LIMK2: variants seen among roughly 807,000 people sequenced by gnomAD.
The protein encoded by LIMK2 is LIM domain kinase 2.
Under a neutral mutation model 75.7 loss-of-function variants are expected in LIMK2, and 35 were observed. The ratio of observed to expected loss-of-function variants is 0.46; its 90% CI spans 0.35 to 0.61. The LOEUF (loss-of-function observed/expected upper bound fraction) is 0.61. Among genes scored for constraint, LIMK2 ranks in the 20% least tolerant of loss-of-function variants. LIMK2 has a pLI of 0.00. For synonymous variants in LIMK2, 301 were observed against 319.2 expected, an observed-to-expected ratio of 0.94 and a Z score of 0.61; for missense variants, 623 against 831.0, an observed-to-expected ratio of 0.75 and a Z score of 3.08.
intron 9 of LIMK2, 143 bp downstream of exon 9, chr22:31,267,213 C>G: frequency 1.7e-6 from 1 of 577,872 alleles, no homozygotes; most frequent in South Asian, 1.9e-5. Flanking sequence ...GAATATCCCA[C>G]TCCCTCTAAA....
chr22:31,245,097 G>A (rs1052859718), intron 2 of LIMK2, among the ~76,000 whole-genome samples: 1 of 152,216 alleles, frequency 6.6e-6, no homozygotes, highest in Non-Finnish European at 1.5e-5. Flanking sequence ...CCTGTTCAGT[G>A]CTTCCTTCTT....
chr22:31,255,978 C>CTTTTTTTTTTTTTTTTTTTTTT lies in LIMK2; in HGVS notation c.117-2296_117-2275dup, dbSNP rs567250437. Among the ~76,000 whole-genome samples the CTTTTTTTTTTTTTTTTTTTTTT allele has an allele frequency of 1.3e-4, 4 of 29,638 alleles. 2 individuals carry two copies. Among genetic ancestry groups the CTTTTTTTTTTTTTTTTTTTTTT allele is most frequent in the Non-Finnish European group, 2.7e-4 (4 of 14,964 alleles). 19.4% of individuals were successfully genotyped at this position (29,638 alleles called of 152,430 possible). ...ATACTGAGTTTCTACTATATTGGGTCTTTTTTTTTTTTTTTTTTTTTTTTT... is the reference window on the plus strand; with the variant it reads ...ATACTGAGTTTCTACTATATTGGGTCTTTTTTTTTTTTTTTTTTTTTTTTTTTTTTTTTTTTTTTTTTTTTTT... On this transcript the variant is annotated intron_variant, in intron 2 of 15. Coordinates refer to ENST00000331728, the MANE Select transcript of LIMK2 (RefSeq NM_005569.4).
intron 9 of LIMK2, among the ~76,000 whole-genome samples, chr22:31,267,394 C>T (rs1006141445): frequency 9.9e-5 from 15 of 152,190 alleles, no homozygotes; most frequent in Admixed American, 7.2e-4. Context: ...CTCACCTGAA[C>T]GCCCTGCTAA....
intron 7 of LIMK2, among the ~76,000 whole-genome samples, chr22:31,264,126 C>T (rs2048868079): frequency 6.6e-6 from 1 of 152,110 alleles, no homozygotes; most frequent in Admixed American, 6.5e-5. Context: ...TGCCTCTTGG[C>T]CTTGGTCAGT....
rs772300294 is a variant in LIMK2 at position 31,272,657 on chromosome 22, A to G, written c.1511A>G (p.Tyr504Cys). 6.2e-7 allele frequency: 1 copy of G among 1,613,496 alleles called. No individual in the cohort carries two copies. Among genetic ancestry groups the G allele is most frequent in the Non-Finnish European group, 8.5e-7 (1 of 1,179,838 alleles). The part of the protein sequence containing the change: ...TLRKNDRKKR[Y>C]TVVGNPYWMA... Reference sequence around the variant, plus strand: ...CGCAAGAACGACCGCAAGAAGCGCTACACGGTGGTGGGAAACCCCTACTGG... The same window carrying G: ...CGCAAGAACGACCGCAAGAAGCGCTGCACGGTGGTGGGAAACCCCTACTGG... Residue 504 changes from tyrosine (Y) to cysteine (C), a missense_variant, in exon 13 of 16, where the codon TAC becomes TGC. By Grantham distance (194) the Tyr-to-Cys change is radical (BLOSUM62 -2). Around this residue, in one of 3 missense-constraint regions of LIMK2, gnomAD observed 514 missense variants for 661.3 expected, o/e 0.78. Transcript: ENST00000331728.
chr22:31,230,960 C>G (rs147215631), intron 2 of LIMK2, among the ~76,000 whole-genome samples: 1 of 152,326 alleles, frequency 6.6e-6, no homozygotes, highest in East Asian at 1.9e-4. Flanking sequence ...ATGCATAGCA[C>G]ATTTAATCCT....
chr22:31,224,398 C>G (rs982661728), intron 1 of LIMK2, among the ~76,000 whole-genome samples: 1 of 152,130 alleles, frequency 6.6e-6, no homozygotes, highest in Non-Finnish European at 1.5e-5. Flanking sequence ...TTCCTGGTTC[C>G]CCTCATTGGA....
chr22:31,234,719 CAAAAAAAA>C (rs35909225), intron 2 of LIMK2, among the ~76,000 whole-genome samples: 4 of 68,460 alleles, frequency 5.8e-5, no homozygotes, highest in Non-Finnish European at 9.4e-5. Context: ...GACTCCATCT[CAAAAAAAA>C]AAAAAAAAAA....
chr22:31,254,959 C>CAA (rs199942897), intron 2 of LIMK2, among the ~76,000 whole-genome samples: 7 of 140,640 alleles, frequency 5.0e-5, no homozygotes, highest in East Asian at 4.0e-4. Context: ...AATTCCATCT[C>CAA]AAAAAAAAAA....
chr22:31,218,507 G>T (rs141084678), intron 1 of LIMK2, among the ~76,000 whole-genome samples: 1 of 152,154 alleles, frequency 6.6e-6, no homozygotes, highest in Non-Finnish European at 1.5e-5. Flanking sequence ...AGAGAAGCTC[G>T]AAAGCTCTTT....
At chr22:31,221,779 G>A (rs562574443) in intron 1 of LIMK2, among the ~76,000 whole-genome samples, 11 of 152,110 alleles carry the variant, frequency 7.2e-5, no homozygotes, top group East Asian at 1.9e-4. Context: ...CACTGCGCCC[G>A]GCCCTCAATA....
Position 31,278,489 on chromosome 22 carries a change from CCT to C in LIMK2, c.*51_*52del, listed in dbSNP as rs748428388. 5 of 1,536,620 alleles carry C rather than the reference CCT, an allele frequency of 3.3e-6. No homozygotes were observed. In the East Asian group the frequency reaches 1.2e-4, roughly 35 times the overall value. ...GGGGTGTTCTACAGCCAGCATTGCCCCTCTGTGCCCCATTCCTGCTGTGAGCA... is the reference window on the plus strand; with the variant it reads ...GGGGTGTTCTACAGCCAGCATTGCCCCTGTGCCCCATTCCTGCTGTGAGCA... On this transcript the variant is annotated 3_prime_UTR_variant, in exon 16 of 16. Transcript: ENST00000331728.
In LIMK2 at chr22:31,255,514, G is replaced by C. The variant is rs1601427120; in HGVS notation, c.117-2777G>C. 2.0e-5 allele frequency among the ~76,000 whole-genome samples: 3 copies of C among 152,124 alleles called. No homozygotes were observed. The South Asian group carries it at 6.2e-4, about 32-fold the overall frequency. ...AATTGGGCACTCCAGAAAGATAAAGGGATTCTCAGGGACTTGCTTCTCTAG... is the reference window on the plus strand; with the variant it reads ...AATTGGGCACTCCAGAAAGATAAAGCGATTCTCAGGGACTTGCTTCTCTAG... On this transcript the variant is annotated intron_variant, in intron 2 of 15. Coordinates refer to ENST00000331728, the MANE Select transcript of LIMK2 (RefSeq NM_005569.4).
At chr22:31,274,165 C>G (rs1569003848) in intron 14 of LIMK2, among the ~76,000 whole-genome samples, 2 of 151,986 alleles carry the variant, frequency 1.3e-5, no homozygotes, top group African/African-American at 4.8e-5. Flanking sequence ...TAGCCCTTCT[C>G]AGTTCCCTTC....
chr22:31,279,515 T>G lies in LIMK2; in HGVS notation c.*1074T>G, dbSNP rs148798183. 10 of 152,332 alleles carry G rather than the reference T, an allele frequency of 6.6e-5. No individual in the cohort carries two copies. The highest frequency in any genetic ancestry group is 1.3e-4 in the Admixed American group (2 of 15,294). The allele number at this position is 152,332 out of a possible 1,614,324, so 9.4% of individuals were successfully genotyped here. Reference sequence around the variant, plus strand: ...AAGCTGAGATGCTGAGAGAGATAGCTCCCTGAGCTGGGCCATCTGACTTCT... The same window carrying G: ...AAGCTGAGATGCTGAGAGAGATAGCGCCCTGAGCTGGGCCATCTGACTTCT... On this transcript the variant is annotated 3_prime_UTR_variant, in exon 16 of 16. Transcript: ENST00000331728.
At chr22:31,255,440 A>G (rs1209813165) in intron 2 of LIMK2, among the ~76,000 whole-genome samples, 1 of 152,170 alleles carries the variant, frequency 6.6e-6, no homozygotes, top group East Asian at 1.9e-4. Context: ...CAAGTAGGAA[A>G]AGCTATAGGG....
chr22:31,240,198 A>C (rs1305703105), intron 2 of LIMK2, among the ~76,000 whole-genome samples: 1 of 152,112 alleles, frequency 6.6e-6, no homozygotes, highest in African/African-American at 2.4e-5. Flanking sequence ...ACTTGAGTTA[A>C]GGTTGTTTTC....
rs568499401 is a variant in LIMK2 at position 31,217,675 on chromosome 22, T to C, written c.16+5251T>C. ...TATATCAATTGGTTAACCAGTTCTC[T>C]GATAAAGATATTTTTATAGGCCCTC... On this transcript the variant is annotated intron_variant, in intron 1 of 15. Transcript: ENST00000331728. Among the ~76,000 whole-genome samples the C allele has an allele frequency of 2.6e-5, 4 of 152,338 alleles. 1 individual carries two copies. The highest frequency in any genetic ancestry group is 1.9e-4 in the East Asian group (1 of 5,188).
chr22:31,276,452 T>G (rs1601449307), intron 15 of LIMK2, among the ~76,000 whole-genome samples: 1 of 147,144 alleles, frequency 6.8e-6, no homozygotes, highest in Non-Finnish European at 1.5e-5. Flanking sequence ...AGAAAGCGCT[T>G]CGGCGGCGGC....
Sources: allele counts gnomAD v4.1 joint callset (sites outside exome capture counted in the v4.1 genomes callset), GRCh38; gene constraint gnomAD v4.1.1; regional missense constraint gnomAD v4.1.1; transcripts MANE v1.5; gene names NCBI Gene and HGNC (gene_info 2026-07-23, HGNC 2026-07-21).